Variants in LEMD2 observed in about 807,000 individuals in gnomAD.
The protein encoded by LEMD2 is LEM domain nuclear envelope protein 2.
LEMD2 carries 34 observed loss-of-function variants against 58.8 expected under a neutral mutation model. That is an observed-to-expected ratio of 0.58 (90% CI 0.44 to 0.77). LEMD2 has a LOEUF of 0.77. LEMD2 is among the 30% of genes least tolerant of loss of function. The pLI, the probability that LEMD2 is intolerant of heterozygous loss-of-function variation, is 0.00. For missense variants in LEMD2, 629 were observed against 717.9 expected, an observed-to-expected ratio of 0.88 and a Z score of 1.42; for synonymous variants, 298 against 308.9, an observed-to-expected ratio of 0.96 and a Z score of 0.37.
In LEMD2 at chr6:33,788,918, G is replaced by C. The variant is rs780239911; in HGVS notation, c.199C>G (p.Arg67Gly). The C allele has an allele frequency of 5.4e-6, 8 of 1,468,500 alleles. No homozygotes were observed. Among genetic ancestry groups the C allele is most frequent in the Non-Finnish European group, 7.2e-6 (8 of 1,116,852 alleles). 91.0% of individuals were successfully genotyped at this position (1,468,500 alleles called of 1,614,324 possible). ...RGEERLREEARLREDAPLRAR... is the reference protein window; with the variant it reads ...RGEERLREEAGLREDAPLRAR... ...CGCAGCGGCGCATCCTCGCGTAACC[G>C]GGCCTCTTCCCGTAACCGCTCCTCG... The change falls in exon 1 of 9, where the codon CGG becomes GGG. Residue 67 changes from arginine (R) to glycine (G), a missense_variant. This residue lies in a region of LEMD2 where 386 missense variants were observed against 381.1 expected (regional missense o/e 1.01). Transcript: ENST00000293760.
At chr6:33,777,761 C>T (rs1298932578) in intron 6 of LEMD2, among the ~76,000 whole-genome samples, 2 of 152,196 alleles carry the variant, frequency 1.3e-5, no homozygotes, top group African/African-American at 2.4e-5. Context: ...AGGCGGCCCC[C>T]GATGTCAGGG....
intron 6 of LEMD2, among the ~76,000 whole-genome samples, chr6:33,777,501 C>G (rs562346365): frequency 8.5e-5 from 13 of 152,304 alleles, no homozygotes; most frequent in African/African-American, 3.1e-4. Context: ...CTCCTCCCAA[C>G]CTCATTCTGG....
intron 1 of LEMD2, chr6:33,787,044 CCT>C (rs1243320592): frequency 5.9e-6 from 3 of 510,892 alleles, no homozygotes; most frequent in Non-Finnish European, 6.5e-6. Context: ...CCACTCTGAA[CCT>C]CTGTCTCCTC....
chr6:33,788,647 A>T lies in LEMD2; in HGVS notation c.470T>A (p.Leu157His). 1 of 1,276,316 alleles carries T rather than the reference A, an allele frequency of 7.8e-7. No homozygotes were observed. Among genetic ancestry groups the T allele is most frequent in the Non-Finnish European group, 9.8e-7 (1 of 1,015,374 alleles). The allele number at this position is 1,276,316 out of a possible 1,614,324, so 79.1% of individuals were successfully genotyped here. The change falls in exon 1 of 9, where the codon CTC becomes CAC. Residue 157 changes from leucine to histidine, a missense_variant. Leu to His is a moderately conservative substitution (Grantham distance 99). Coordinates refer to ENST00000293760, the MANE Select transcript of LEMD2 (RefSeq NM_181336.4). ...CGCTGCCCACCAGCGGCGGGCCGCG[A>T]GACCCGGGCCCTGCGTGGCCCTGTC... ...TPDRATQGPGLAARRWWAASP... is the reference protein window; with the variant it reads ...TPDRATQGPGHAARRWWAASP...
chr6:33,782,861 G>C (rs998233653), intron 3 of LEMD2, among the ~76,000 whole-genome samples: 4 of 152,254 alleles, frequency 2.6e-5, no homozygotes, highest in Non-Finnish European at 4.4e-5. Context: ...GAGCCTCTGT[G>C]AGGCACACTC....
chr6:33,784,477 G>GGGGGGGCCCCCCCCCCCCC, intron 2 of LEMD2, 50 bp from the exon 3 acceptor site: 1 of 430,810 alleles, frequency 2.3e-6, no homozygotes, highest in Non-Finnish European at 4.8e-6. Flanking sequence ...GGTGGGAGGG[G>GGGGGGGCCCCCCCCCCCCC]TCCGTCTGTC....
In LEMD2 at chr6:33,778,566, G is replaced by A. The variant is rs1236992973; in HGVS notation, c.1011-179C>T. Reference sequence around the variant, plus strand: ...AGAAATTTCCCACATTGGCTACTTAGAATGAATAAAGCTTTAAAGACGGCA... The same window carrying A: ...AGAAATTTCCCACATTGGCTACTTAAAATGAATAAAGCTTTAAAGACGGCA... On this transcript the variant is annotated intron_variant, in intron 5 of 8. Coordinates refer to ENST00000293760, the MANE Select transcript of LEMD2 (RefSeq NM_181336.4). The surrounding 1 kb of genome is among the most constrained non-coding windows in gnomAD (Gnocchi z 4.7). 8.9e-6 allele frequency: 4 copies of A among 448,518 alleles called. No individual in the cohort carries two copies. The highest frequency in any genetic ancestry group is 1.5e-5 in the Non-Finnish European group (4 of 259,206). 27.8% of individuals were successfully genotyped at this position (448,518 alleles called of 1,614,324 possible).
intron 2 of LEMD2, among the ~76,000 whole-genome samples, chr6:33,785,873 G>A (rs976080504): frequency 1.3e-5 from 2 of 152,182 alleles, no homozygotes; most frequent in African/African-American, 4.8e-5. Flanking sequence ...TGACACACCC[G>A]AAGCCAAAGA....
intron 8 of LEMD2, among the ~76,000 whole-genome samples, chr6:33,775,881 T>C (rs961174121): frequency 2.0e-5 from 3 of 152,166 alleles, no homozygotes; most frequent in African/African-American, 7.2e-5. Context: ...CAGGGAGCAC[T>C]CAGCAAGGGT....
chr6:33,784,477 G>GGGGGGGGGCCCCCCCCCCCC, intron 2 of LEMD2, 50 bp from the exon 3 acceptor site: 1 of 430,806 alleles, frequency 2.3e-6, no homozygotes, highest in Non-Finnish European at 4.8e-6. Context: ...GGTGGGAGGG[G>GGGGGGGGGCCCCCCCCCCCC]TCCGTCTGTC....
Position 33,781,147 on chromosome 6 carries a change from A to G in LEMD2, c.860T>C (p.Phe287Ser). ...TAGATTCTCTGGATTTCCACACTCA[A>G]AATTACCTAGGAGAAAAAAAACCAC... ...YNFLAIQAGN[F>S]ECGNPENLKS... Residue 287 changes from phenylalanine to serine, a missense_variant, in exon 4 of 9, where the codon TTT becomes TCT. Physicochemically the swap from Phe to Ser is radical, Grantham distance 155. Coordinates refer to ENST00000293760, the MANE Select transcript of LEMD2 (RefSeq NM_181336.4). 1.2e-6 allele frequency: 2 copies of G among 1,602,724 alleles called. No homozygotes were observed. Among genetic ancestry groups the G allele is most frequent in the Non-Finnish European group, 1.7e-6 (2 of 1,172,998 alleles).
At chr6:33,777,289 G>A in intron 6 of LEMD2, 50 bp from the exon 7 acceptor site, 1 of 1,269,090 alleles carries the variant, frequency 7.9e-7, no homozygotes, top group Non-Finnish European at 1.2e-6. Flanking sequence ...TTTGGCAGTG[G>A]GTCTCACCAT....
intron 8 of LEMD2, among the ~76,000 whole-genome samples, chr6:33,773,779 C>T (rs1468717130): frequency 3.3e-5 from 5 of 152,238 alleles, no homozygotes; most frequent in Non-Finnish European, 7.3e-5. Context: ...CTCACTCCAG[C>T]CCCTCCTTCC....
chr6:33,785,144 A>G (rs1278932292), intron 2 of LEMD2, among the ~76,000 whole-genome samples: 1 of 152,124 alleles, frequency 6.6e-6, no homozygotes, highest in Non-Finnish European at 1.5e-5. Flanking sequence ...AAGAACATGA[A>G]TCTGAAATTC....
Position 33,788,699 on chromosome 6 carries a change from C to A in LEMD2, c.418G>T (p.Glu140Ter). ...RRRASVRGSS[E>*]EDEDARTPDR... ...GGCGTCCGGGCGTCCTCGTCCTCCT[C>A]GGAGCTGCCCCGGACCGAGGCGCGG... Residue 140 changes from glutamate (E) to a stop codon, truncating the protein, a stop_gained, in exon 1 of 9, where the codon GAG becomes TAG. Coordinates refer to ENST00000293760, the MANE Select transcript of LEMD2 (RefSeq NM_181336.4). LOFTEE classifies it high-confidence loss of function. 7.3e-7 allele frequency: 1 copy of A among 1,373,808 alleles called. No homozygotes were observed. Among genetic ancestry groups the A allele is most frequent in the South Asian group, 1.6e-5 (1 of 62,030 alleles). The allele number at this position is 1,373,808 out of a possible 1,614,324, so 85.1% of individuals were successfully genotyped here. A position where few individuals can be genotyped will look rare whatever the true frequency, so the allele number is the denominator to read the frequency against.
chr6:33,782,730 G>A (rs1043233245), intron 3 of LEMD2, among the ~76,000 whole-genome samples: 7 of 152,350 alleles, frequency 4.6e-5, no homozygotes, highest in South Asian at 4.1e-4. Context: ...ACCCCAAGCC[G>A]GGGTTGGGCC....
In LEMD2 at chr6:33,778,407, T is replaced by G; in HGVS notation, c.1011-20A>C. On this transcript the variant is annotated intron_variant, in intron 5 of 8. Coordinates refer to ENST00000293760, the MANE Select transcript of LEMD2 (RefSeq NM_181336.4). This position sits in a 1 kb window ranked among gnomAD's most constrained non-coding sequence, Gnocchi z 4.7. Reference sequence around the variant, plus strand: ...TTCAACCTGAAACAGGACACAGGGCTCTGAACATGTTGGAAAGCTCCAAGG... The same window carrying G: ...TTCAACCTGAAACAGGACACAGGGCGCTGAACATGTTGGAAAGCTCCAAGG... 1.3e-6 allele frequency: 2 copies of G among 1,482,966 alleles called. No individual in the cohort carries two copies. Among genetic ancestry groups the G allele is most frequent in the Non-Finnish European group, 1.8e-6 (2 of 1,109,242 alleles). 91.9% of individuals were successfully genotyped at this position (1,482,966 alleles called of 1,614,324 possible). A position where few individuals can be genotyped will look rare whatever the true frequency, so the allele number is the denominator to read the frequency against.
At chr6:33,784,296 G>T in intron 3 of LEMD2, 56 bp downstream of exon 3, 2 of 1,368,748 alleles carry the variant, frequency 1.5e-6, no homozygotes, top group Non-Finnish European at 2.1e-6. Flanking sequence ...GATGAACCGG[G>T]TCAGCCGCCC....
intron 4 of LEMD2, 41 bp from the exon 5 acceptor site, chr6:33,780,220 C>A (rs372524734): frequency 5.3e-6 from 8 of 1,506,900 alleles, no homozygotes; most frequent in East Asian, 2.4e-5. Context: ...GGCGTCTGGG[C>A]GGAGCAGCTG....
Sources: gnomAD v4.1 joint callset for allele counts (sites outside exome capture counted in the v4.1 genomes callset) on GRCh38, gnomAD v4.1.1 for gene constraint, gnomAD v4.1.1 regional missense constraint, Gnocchi (gnomAD v3.1) non-coding constraint, MANE v1.5 for transcripts, NCBI Gene and HGNC (gene_info 2026-07-23, HGNC 2026-07-21) for gene names.